The following PLEK variants were observed in gnomAD, a reference collection of about 807,000 sequenced individuals.
The protein encoded by PLEK is pleckstrin.
PLEK carries 25 observed loss-of-function variants against 43.9 expected under a neutral mutation model. The ratio of observed to expected loss-of-function variants is 0.57; its 90% CI spans 0.41 to 0.79. PLEK has a LOEUF of 0.79. Ranked by LOEUF, PLEK falls within the 30% of genes least tolerant of loss-of-function variation. PLEK has a pLI of 0.00. For missense variants in PLEK, 396 were observed against 413.3 expected (o/e 0.96, Z 0.36); for synonymous variants, 152 against 144.4 (o/e 1.05, Z -0.38).
intron 6 of PLEK, among the ~76,000 whole-genome samples, chr2:68,391,766 C>T (rs538424021): frequency 6.6e-6 from 1 of 152,278 alleles, no homozygotes; most frequent in South Asian, 2.1e-4. Context: ...ATATGTGGTG[C>T]TTTAGAAATT....
intron 1 of PLEK, among the ~76,000 whole-genome samples, chr2:68,368,818 C>T (rs1239221687): frequency 2.6e-5 from 4 of 152,236 alleles, no homozygotes; most frequent in African/African-American, 9.6e-5. Context: ...GTTTCCAGGA[C>T]AACCAACCTC....
chr2:68,381,117 C>G (rs1158608183), intron 3 of PLEK, among the ~76,000 whole-genome samples: 1 of 139,138 alleles, frequency 7.2e-6, no homozygotes, highest in African/African-American at 2.8e-5. Flanking sequence ...AGTACAAATT[C>G]CCTCATACTG....
At chr2:68,369,014 G>A (rs191440489) in intron 1 of PLEK, among the ~76,000 whole-genome samples, 14 of 152,294 alleles carry the variant, frequency 9.2e-5, no homozygotes, top group Non-Finnish European at 1.3e-4. Context: ...TCAGGGTCCT[G>A]GCCCAGGAGT....
chr2:68,367,164 AT>A (rs1335019874), intron 1 of PLEK, among the ~76,000 whole-genome samples: 1 of 151,978 alleles, frequency 6.6e-6, no homozygotes, highest in African/African-American at 2.4e-5. Context: ...ATCTTCCATA[AT>A]TTTCATGTTT....
chr2:68,371,084 G>T (rs1406805649), intron 1 of PLEK, among the ~76,000 whole-genome samples: 1 of 152,166 alleles, frequency 6.6e-6, no homozygotes. Flanking sequence ...GGGACAGCAG[G>T]CACCTTGGAA....
chr2:68,394,763 T>G (rs1308507250), intron 8 of PLEK, among the ~76,000 whole-genome samples: 4 of 152,182 alleles, frequency 2.6e-5, no homozygotes, highest in Non-Finnish European at 5.9e-5. Flanking sequence ...CACAAGGCTA[T>G]GATTTGGTGC....
At chr2:68,394,337 C>T (rs184210502) in intron 8 of PLEK, among the ~76,000 whole-genome samples, 161 bp downstream of exon 8, 1 of 152,090 alleles carries the variant, frequency 6.6e-6, no homozygotes, top group Non-Finnish European at 1.5e-5. Flanking sequence ...TTTGGGAGGC[C>T]GAGGAGGGCA....
chr2:68,370,482 AT>A (rs1353846345), intron 1 of PLEK, among the ~76,000 whole-genome samples: 1 of 151,932 alleles, frequency 6.6e-6, no homozygotes, highest in Admixed American at 6.6e-5. Flanking sequence ...TTTTATTTTT[AT>A]TTTATTTATT....
Position 68,388,459 on chromosome 2 carries a change from G to T in PLEK, c.730G>T (p.Val244Phe), listed in dbSNP as rs1360742130. ...DVILKEEFRGVIIKQGCLLKQ... is the reference protein window; with the variant it reads ...DVILKEEFRGFIIKQGCLLKQ... ...GATTCTGAAAGAAGAATTCAGAGGG[G>T]TCATTATCAAGCAGGGATGTTTACT... The change falls in exon 6 of 9, where the codon GTC becomes TTC. Residue 244 changes from valine (V) to phenylalanine (F), a missense_variant. Transcript: ENST00000234313. 3 of 1,606,128 alleles carry T rather than the reference G, an allele frequency of 1.9e-6. No individual in the cohort carries two copies. Among genetic ancestry groups the T allele is most frequent in the Non-Finnish European group, 2.6e-6 (3 of 1,172,866 alleles).
At chr2:68,374,466 A>G (rs1472998903) in intron 1 of PLEK, among the ~76,000 whole-genome samples, 1 of 152,192 alleles carries the variant, frequency 6.6e-6, no homozygotes, top group African/African-American at 2.4e-5. Flanking sequence ...GGGTGGTGTT[A>G]CTATAATCAC....
intron 4 of PLEK, among the ~76,000 whole-genome samples, chr2:68,383,429 A>T (rs188121261): frequency 1.3e-5 from 2 of 152,274 alleles, no homozygotes; most frequent in Admixed American, 1.3e-4. Flanking sequence ...AGATGGGTAG[A>T]ATTTCATTAA....
Position 68,393,249 on chromosome 2 carries a change from A to G in PLEK, c.846+4A>G. ...GCACTACTATGACCCTGCTGGGGTA[A>G]GGTCCTGTGGTTCATAAATCCATTC... is the stretch of plus-strand genomic sequence containing the variant. On this transcript the variant is annotated splice_donor_region_variant and intron_variant, in intron 7 of 8. Coordinates refer to ENST00000234313, the MANE Select transcript of PLEK (RefSeq NM_002664.3). 1.9e-6 allele frequency: 3 copies of G among 1,579,012 alleles called. No homozygotes were observed. Among genetic ancestry groups the G allele is most frequent in the Non-Finnish European group, 2.6e-6 (3 of 1,148,134 alleles).
In PLEK at chr2:68,394,196, G is replaced by A; in HGVS notation, c.916+20G>A. On this transcript the variant is annotated intron_variant, in intron 8 of 8. Transcript: ENST00000234313. Reference sequence around the variant, plus strand: ...CAAATGGTAAGATGAATTTCTGTGTGAGAGAGGTGGGTCTGCTCAGACTCC... The same window carrying A: ...CAAATGGTAAGATGAATTTCTGTGTAAGAGAGGTGGGTCTGCTCAGACTCC... The A allele has an allele frequency of 6.7e-7, 1 of 1,490,788 alleles. No homozygotes were observed. Among genetic ancestry groups the A allele is most frequent in the Non-Finnish European group, 9.4e-7 (1 of 1,067,578 alleles). The allele number at this position is 1,490,788 out of a possible 1,614,324, so 92.3% of individuals were successfully genotyped here.
At chr2:68,395,171 G>A (rs1673941132) in intron 8 of PLEK, among the ~76,000 whole-genome samples, 1 of 151,002 alleles carries the variant, frequency 6.6e-6, no homozygotes, top group Non-Finnish European at 1.5e-5. Context: ...CTTTGTGTAT[G>A]TATATAAACA....
intron 1 of PLEK, among the ~76,000 whole-genome samples, chr2:68,375,901 C>A (rs2103764808): frequency 6.6e-6 from 1 of 152,282 alleles, no homozygotes; most frequent in South Asian, 2.1e-4. Flanking sequence ...CTGGCATGAA[C>A]CCAAACTGAA....
intron 4 of PLEK, among the ~76,000 whole-genome samples, chr2:68,384,280 T>G (rs566276977): frequency 6.6e-6 from 1 of 152,266 alleles, no homozygotes; most frequent in South Asian, 2.1e-4. Flanking sequence ...GGAGTTTCAC[T>G]TTTGTTGTTC....
chr2:68,389,922 T>C (rs886228575), intron 6 of PLEK, among the ~76,000 whole-genome samples: 5 of 152,198 alleles, frequency 3.3e-5, no homozygotes, highest in African/African-American at 1.2e-4. Context: ...TGGGAGGAAA[T>C]TTCTTTATTT....
chr2:68,390,667 T>G (rs1445859403), intron 6 of PLEK, among the ~76,000 whole-genome samples: 1 of 152,222 alleles, frequency 6.6e-6, no homozygotes, highest in African/African-American at 2.4e-5. Context: ...AAACTTTTTC[T>G]TAAAATTCCA....
rs549819787 is a variant in PLEK at position 68,388,519 on chromosome 2, G to A, written c.762+28G>A. The A allele has an allele frequency of 1.9e-5, 23 of 1,198,158 alleles. No homozygotes were observed. The African/African-American group carries it at 3.3e-4, about 17-fold the overall frequency. 74.2% of individuals were successfully genotyped at this position (1,198,158 alleles called of 1,614,324 possible). A position where few individuals can be genotyped will look rare whatever the true frequency, so the allele number is the denominator to read the frequency against. ...GAGTGGCCACAACTGCTCCCATCTA[G>A]CCTTTTCCCTTTACAAGGTCCTTTT... On this transcript the variant is annotated intron_variant, in intron 6 of 8. Transcript: ENST00000234313.
Sources: allele counts gnomAD v4.1 joint callset (sites outside exome capture counted in the v4.1 genomes callset), GRCh38; gene constraint gnomAD v4.1.1; transcripts MANE v1.5; gene names NCBI Gene and HGNC (gene_info 2026-07-23, HGNC 2026-07-21).